ST8SIA5: variants seen among roughly 807,000 people sequenced by gnomAD.
The protein encoded by ST8SIA5 is alpha-2,8-sialyltransferase 8E.
In ST8SIA5, 24 loss-of-function variants were observed where a neutral mutation model predicts 40.2. The observed-to-expected ratio is 0.60, with a 90% CI of 0.43 to 0.84. The LOEUF is 0.84. Among genes scored for constraint, ST8SIA5 ranks in the 40% least tolerant of loss-of-function variants. The pLI is 0.00. For synonymous variants in ST8SIA5, 198 were observed against 201.8 expected (o/e 0.98, Z 0.16); for missense variants, 465 against 498.5 (o/e 0.93, Z 0.64).
intron 1 of ST8SIA5, among the ~76,000 whole-genome samples, chr18:46,735,395 A>G (rs2144551422): frequency 6.6e-6 from 1 of 152,350 alleles, no homozygotes; most frequent in South Asian, 2.1e-4. Context: ...TACAGTAACC[A>G]ACGTCTATAG....
rs773255154 is a variant in ST8SIA5, at chr18:46,680,005, G to A, written c.*37C>T. 7 of 1,567,290 alleles carry A rather than the reference G, an allele frequency of 4.5e-6. No individual in the cohort carries two copies. The highest frequency in any genetic ancestry group is 2.2e-5 in the East Asian group (1 of 44,520). On this transcript the variant is annotated 3_prime_UTR_variant, in exon 7 of 7. Transcript: ENST00000315087. ...TTCCACCAGGAGGGACAGCAGGAGA[G>A]GGGGCGCCGCTTGCCGGGCAGCCTG...
At position 46,701,519 on chromosome 18, in the gene ST8SIA5, G is replaced by C. The variant is rs75684570; in HGVS notation, c.224+3053C>G. ...CCAATATGACTGATGCCCTTACAAA[G>C]AGAGATTAGAGCACAGGCAAGACTC... On this transcript the variant is annotated intron_variant, in intron 2 of 6. Transcript: ENST00000315087. Among the ~76,000 whole-genome samples the C allele has an allele frequency of 2.2e-4, 34 of 152,222 alleles. No individual in the cohort carries two copies. The East Asian group carries it at 6.4e-3, about 29-fold the overall frequency.
At chr18:46,682,600 C>T (rs892746198) in intron 5 of ST8SIA5, among the ~76,000 whole-genome samples, 5 of 152,198 alleles carry the variant, frequency 3.3e-5, no homozygotes, top group Non-Finnish European at 5.9e-5. Context: ...AGTAATAGCC[C>T]CCAAAGGTGT....
rs1056532074 is a variant in ST8SIA5 at position 46,727,904 on chromosome 18, A to G, written c.132-23240T>C. On this transcript the variant is annotated intron_variant, in intron 1 of 6. Transcript: ENST00000315087. ...TGTGGACTGTTTAATGACGAAGTCTATATAAAACAAACCATGCATGGGTGT... is the reference window on the plus strand; with the variant it reads ...TGTGGACTGTTTAATGACGAAGTCTGTATAAAACAAACCATGCATGGGTGT... 2.6e-5 allele frequency among the ~76,000 whole-genome samples: 4 copies of G among 152,138 alleles called. 1 individual carries two copies. Among genetic ancestry groups the G allele is most frequent in the Non-Finnish European group, 4.4e-5 (3 of 68,024 alleles).
At chr18:46,680,549 C>A (rs779631721) in intron 6 of ST8SIA5, 39 bp from the exon 7 acceptor site, 1 of 1,516,026 alleles carries the variant, frequency 6.6e-7, no homozygotes, top group Non-Finnish European at 8.9e-7. Context: ...ACCCACTCCT[C>A]CGTGCCCTCA....
chr18:46,728,072 G>A (rs1183714560), intron 1 of ST8SIA5, among the ~76,000 whole-genome samples: 2 of 152,014 alleles, frequency 1.3e-5, no homozygotes, highest in African/African-American at 2.4e-5. Context: ...GCATGAGCCT[G>A]TAGTCCCAGC....
intron 1 of ST8SIA5, among the ~76,000 whole-genome samples, chr18:46,726,316 G>A (rs939102601): frequency 9.2e-5 from 14 of 151,888 alleles, no homozygotes; most frequent in Non-Finnish European, 1.8e-4. Context: ...GGTAGTTGCT[G>A]GGCCAAGTAA....
chr18:46,704,658 A>G lies in ST8SIA5; in HGVS notation c.138T>C (p.Phe46=), dbSNP rs1157114491. Residue 46 remains phenylalanine (F), a synonymous_variant, in exon 2 of 7, where the codon TTT becomes TTC. Coordinates refer to ENST00000315087, the MANE Select transcript of ST8SIA5 (RefSeq NM_013305.6). ...ATTCAAAAGGCCCCTCATAAAATTC[A>G]AAGTACCTGGGGACCAACAGAGACA... is the stretch of plus-strand genomic sequence containing the variant. ...LYGRNYIKRY[F]EFYEGPFEYN... is the part of the protein sequence containing the mutation. The G allele has an allele frequency of 6.2e-7, 1 of 1,614,138 alleles. No homozygotes were observed. The highest frequency in any genetic ancestry group is 8.5e-7 in the Non-Finnish European group (1 of 1,179,982).
chr18:46,670,852 T>G lies in ST8SIA5; in HGVS notation c.*9190A>C, dbSNP rs1158914003. On this transcript the variant is annotated 3_prime_UTR_variant, in exon 7 of 7. Transcript: ENST00000315087. ...ATTTAGGCTATTAGCTGCCACTTCTTGCTTTATCTAGCACATGTCATCATT... is the reference window on the plus strand; with the variant it reads ...ATTTAGGCTATTAGCTGCCACTTCTGGCTTTATCTAGCACATGTCATCATT... 1 of 152,236 alleles carries G rather than the reference T, an allele frequency of 6.6e-6. No homozygotes were observed. Among genetic ancestry groups the G allele is most frequent in the Non-Finnish European group, 1.5e-5 (1 of 68,036 alleles). The allele number at this position is 152,236 out of a possible 1,614,324, so 9.4% of individuals were successfully genotyped here. A position where few individuals can be genotyped will look rare whatever the true frequency, so the allele number is the denominator to read the frequency against.
intron 1 of ST8SIA5, among the ~76,000 whole-genome samples, chr18:46,746,129 TG>T (rs569725580): frequency 3.3e-5 from 5 of 152,290 alleles, no homozygotes; most frequent in African/African-American, 1.2e-4. Context: ...GGGCAAAAAC[TG>T]GGAGCATTCC....
At chr18:46,724,319 G>A (rs186316242) in intron 1 of ST8SIA5, among the ~76,000 whole-genome samples, 42 of 152,348 alleles carry the variant, frequency 2.8e-4, no homozygotes, top group Non-Finnish European at 4.3e-4. Flanking sequence ...GTGCTCCAGC[G>A]ATGCTTTGCT....
chr18:46,719,744 CTTTCTTTCT>C (rs939280519), intron 1 of ST8SIA5, among the ~76,000 whole-genome samples: 1 of 46,038 alleles, frequency 2.2e-5, no homozygotes, highest in Non-Finnish European at 5.1e-5. Flanking sequence ...TCTTTCCTTC[CTTTCTTTCT>C]TTTCTTTCTT....
At chr18:46,742,018 C>G (rs1055298243) in intron 1 of ST8SIA5, among the ~76,000 whole-genome samples, 25 of 151,976 alleles carry the variant, frequency 1.6e-4, no homozygotes, top group Admixed American at 3.3e-4. Context: ...ATGAGAATCA[C>G]TTGAACCCAG....
At position 46,756,737 on chromosome 18, in the gene ST8SIA5, G is replaced by A. The variant is rs147005788; in HGVS notation, c.-229C>T. The stretch of plus-strand genomic sequence containing the variant: ...GACAGGGCCGGTGGCAGGGAGCTCT[G>A]CCGCGGCCAGGGGCCTTCCCCACCC... On this transcript the variant is annotated 5_prime_UTR_variant, in exon 1 of 7. Transcript: ENST00000315087. The A allele has an allele frequency of 4.7e-3, 2,318 of 493,642 alleles. 18 individuals are homozygous for A. Among genetic ancestry groups the A allele is most frequent in the Admixed American group, 8.5e-3 (200 of 23,508 alleles). 30.6% of individuals were successfully genotyped at this position (493,642 alleles called of 1,614,324 possible).
In ST8SIA5 at chr18:46,670,416, ATGGTTCCTGAGATATGTATTTAGTTT is replaced by A. The variant is rs2039302279; in HGVS notation, c.*9600_*9625del. The A allele has an allele frequency of 6.6e-6, 1 of 152,034 alleles. No homozygotes were observed. The highest frequency in any genetic ancestry group is 1.5e-5 in the Non-Finnish European group (1 of 68,024). 9.4% of individuals were successfully genotyped at this position (152,034 alleles called of 1,614,324 possible). On this transcript the variant is annotated 3_prime_UTR_variant, in exon 7 of 7. Coordinates refer to ENST00000315087, the MANE Select transcript of ST8SIA5 (RefSeq NM_013305.6). ...ACGACCAACGACCTCAGGCTACTTG[ATGGTTCCTGAGATATGTATTTAGTTT>A]TGGTCTTTTTTAATTATTATTTTGA...
chr18:46,727,273 G>A (rs1487327764), intron 1 of ST8SIA5, among the ~76,000 whole-genome samples: 2 of 152,204 alleles, frequency 1.3e-5, no homozygotes. Flanking sequence ...ATATGTTTAT[G>A]GAGGCTCAGC....
chr18:46,683,840 T>C (rs11082548), intron 5 of ST8SIA5, among the ~76,000 whole-genome samples: 94,570 of 151,928 alleles, frequency 0.62, 29,633 homozygotes, highest in South Asian at 0.65. Flanking sequence ...TCAATAACCT[T>C]GGGTGGCAGA....
At position 46,736,639 on chromosome 18, in the gene ST8SIA5, T is replaced by C. The variant is rs796278592; in HGVS notation, c.131+19739A>G. 2.2e-4 allele frequency among the ~76,000 whole-genome samples: 34 copies of C among 152,304 alleles called. 3 individuals carry two copies. Among genetic ancestry groups the C allele is most frequent in the African/African-American group, 7.9e-4 (33 of 41,556 alleles). The stretch of plus-strand genomic sequence containing the variant: ...ATGGCAATGGTGGTCTTAGGAAGTA[T>C]TGATCCTTTGATCTGCTGAGGAAGA... On this transcript the variant is annotated intron_variant, in intron 1 of 6. Coordinates refer to ENST00000315087, the MANE Select transcript of ST8SIA5 (RefSeq NM_013305.6).
chr18:46,743,278 C>T (rs1031443235), intron 1 of ST8SIA5, among the ~76,000 whole-genome samples: 1 of 152,092 alleles, frequency 6.6e-6, no homozygotes, highest in Non-Finnish European at 1.5e-5. Context: ...GCTAAAGGAA[C>T]ATGTTCTAAC....
Sources: gnomAD v4.1 joint callset for allele counts (sites outside exome capture counted in the v4.1 genomes callset) on GRCh38, gnomAD v4.1.1 for gene constraint, MANE v1.5 for transcripts, NCBI Gene and HGNC (gene_info 2026-07-23, HGNC 2026-07-21) for gene names.